The following RP1 variants were observed in gnomAD, a reference collection of about 807,000 sequenced individuals.
RP1 encodes the protein RP1 axonemal microtubule associated, also known as oxygen-regulated protein 1.
RP1 carries 16 observed loss-of-function variants against 14.8 expected under a neutral mutation model. That is an observed-to-expected ratio of 1.08 (90% CI 0.73 to 1.65). RP1 has a LOEUF of 1.65. RP1 is among the 40% of genes most tolerant of loss of function. The pLI, the probability that RP1 is intolerant of heterozygous loss-of-function variation, is 0.00. For synonymous variants in RP1, 876 were observed against 883.6 expected (o/e 0.99, Z 0.15); for missense variants, 2,631 against 2,535.0 (o/e 1.04, Z -0.81).
intron 3 of RP1, 67 bp from the exon 4 acceptor site, chr8:54,624,603 T>C (rs1303188284): frequency 2.6e-6 from 4 of 1,522,630 alleles, no homozygotes; most frequent in Non-Finnish European, 3.6e-6. Context: ...CTTTGGATAT[T>C]TCTAACTTCT....
chr8:54,843,179 G>A (rs1811828800), intron 25 of RP1, among the ~76,000 whole-genome samples: 1 of 152,138 alleles, frequency 6.6e-6, no homozygotes, highest in African/African-American at 2.4e-5. Flanking sequence ...GGGACTACAG[G>A]CGTGCACCAC....
At chr8:54,634,576 G>A (rs372432329), downstream of RP1, among the ~76,000 whole-genome samples, 2 of 152,078 alleles carry the variant, frequency 1.3e-5, no homozygotes, top group African/African-American at 4.8e-5. Flanking sequence ...TCCTAAAAGG[G>A]TTTATCTTCC....
intron 22 of RP1, among the ~76,000 whole-genome samples, chr8:54,761,635 G>T (rs1293934584): frequency 6.6e-6 from 1 of 152,064 alleles, no homozygotes; most frequent in East Asian, 1.9e-4. Flanking sequence ...TCAATGGGTT[G>T]TATCTGAAAG....
chr8:54,819,407 A>G (rs1563385971), intron 24 of RP1, among the ~76,000 whole-genome samples: 1 of 152,050 alleles, frequency 6.6e-6, no homozygotes, highest in Non-Finnish European at 1.5e-5. Context: ...TGAAACAGCT[A>G]TTTTGAATTC....
chr8:54,764,912 A>G (rs1178282995), intron 22 of RP1, among the ~76,000 whole-genome samples: 1 of 140,112 alleles, frequency 7.1e-6, no homozygotes, highest in Non-Finnish European at 1.6e-5. Flanking sequence ...AGTTAAAAAG[A>G]AAAAAAAAAA....
chr8:54,621,277 A>C lies in RP1; in HGVS notation c.311A>C (p.Tyr104Ser). 6.2e-7 allele frequency: 1 copy of C among 1,613,998 alleles called. No homozygotes were observed. Among genetic ancestry groups the C allele is most frequent in the South Asian group, 1.1e-5 (1 of 91,072 alleles). The change falls in exon 2 of 4, where the codon TAC (tyrosine) becomes TCC (serine). Residue 104 changes from tyrosine (Y) to serine (S), a missense_variant. Coordinates refer to ENST00000220676, the MANE Select transcript of RP1 (RefSeq NM_006269.2). ...GAGGAGCTGGAGGACGGCGAGTCCT[A>C]CCTATGTTCCCACGGCAGGAAGGTG... ...RLEELEDGES[Y>S]LCSHGRKVQP...
At position 54,621,037 on chromosome 8, in the gene RP1, C is replaced by T; in HGVS notation, c.71C>T (p.Pro24Leu). The change falls in exon 2 of 4, where the codon CCT (proline) becomes CTT (leucine). Residue 24 changes from proline (P) to leucine (L), a missense_variant. By Grantham distance (98) the Pro-to-Leu change is moderately conservative (BLOSUM62 -3). Coordinates refer to ENST00000220676, the MANE Select transcript of RP1 (RefSeq NM_006269.2). Reference protein sequence around the residue: ...PTSSEGQVPPPRHLSLTHPVV... With the variant: ...PTSSEGQVPPLRHLSLTHPVV... ...TCTTCTGAAGGTCAAGTTCCACCCC[C>T]TCGCCATTTGAGCCTCACTCATCCT... 6.2e-7 allele frequency: 1 copy of T among 1,614,186 alleles called. No homozygotes were observed. The highest frequency in any genetic ancestry group is 8.5e-7 in the Non-Finnish European group (1 of 1,180,036).
chr8:54,755,401 A>G (rs1809477580), intron 20 of RP1, among the ~76,000 whole-genome samples: 1 of 152,228 alleles, frequency 6.6e-6, no homozygotes, highest in Non-Finnish European at 1.5e-5. Flanking sequence ...TGAAAATGCA[A>G]TAAACCTTCT....
intron 15 of RP1, among the ~76,000 whole-genome samples, chr8:54,718,783 A>T (rs1458993565): frequency 6.6e-6 from 1 of 152,218 alleles, no homozygotes; most frequent in Non-Finnish European, 1.5e-5. Flanking sequence ...CATTCTGGAA[A>T]ATGCAAAGCT....
At chr8:54,826,207 G>A (rs1022959771) in intron 24 of RP1, among the ~76,000 whole-genome samples, 1 of 152,234 alleles carries the variant, frequency 6.6e-6, no homozygotes, top group African/African-American at 2.4e-5. Context: ...TGGCATTTGA[G>A]CAGAATCTTA....
chr8:54,633,897 C>T (rs1396690890), downstream of RP1, among the ~76,000 whole-genome samples: 3 of 152,014 alleles, frequency 2.0e-5, no homozygotes, highest in Non-Finnish European at 4.4e-5. Flanking sequence ...CGAGAACCCT[C>T]TCGATGGGTA....
chr8:54,606,730 CTTTG>C (rs981451912), intron 1 of RP1, among the ~76,000 whole-genome samples: 152 of 152,266 alleles, frequency 1.0e-3, no homozygotes, highest in African/African-American at 3.5e-3. Flanking sequence ...TTCTTGGAGG[CTTTG>C]TTTGTTTCTT....
rs570377305 is a variant in RP1, at chr8:54,609,029, G to T, written c.-12-11926G>T. 1.4e-3 allele frequency among the ~76,000 whole-genome samples: 218 copies of T among 152,324 alleles called. 2 individuals are homozygous for T. The highest frequency in any genetic ancestry group is 9.9e-4 in the African/African-American group (41 of 41,582). On this transcript the variant is annotated intron_variant, in intron 1 of 22. Transcript: ENST00000636932. The stretch of plus-strand genomic sequence containing the variant: ...CAGTTGATGGGGCTGGGGATACCCA[G>T]GTTCAGGAGGGCTAGGTACAGGCAG...
At chr8:54,834,811 T>C (rs570530692) in intron 24 of RP1, among the ~76,000 whole-genome samples, 2 of 152,210 alleles carry the variant, frequency 1.3e-5, no homozygotes, top group African/African-American at 4.8e-5. Flanking sequence ...TAGTATTTCC[T>C]TGAAGGGCAA....
At chr8:54,697,278 G>A (rs1188796449) in intron 12 of RP1, among the ~76,000 whole-genome samples, 4 of 152,198 alleles carry the variant, frequency 2.6e-5, no homozygotes, top group Non-Finnish European at 4.4e-5. Context: ...TACCTGGCCG[G>A]GCGTGATGGC....
chr8:54,680,759 C>A (rs1372961617), intron 12 of RP1, among the ~76,000 whole-genome samples: 1 of 151,926 alleles, frequency 6.6e-6, no homozygotes, highest in Non-Finnish European at 1.5e-5. Context: ...GAGATCGAGA[C>A]CATCCTGGCT....
chr8:54,866,112 A>T (rs966244236), intron 28 of RP1, among the ~76,000 whole-genome samples: 1 of 152,048 alleles, frequency 6.6e-6, no homozygotes, highest in African/African-American at 2.4e-5. Flanking sequence ...GTAATCTCTA[A>T]CATTTTTCTC....
chr8:54,807,892 C>T (rs1327728520), intron 24 of RP1, among the ~76,000 whole-genome samples: 1 of 151,806 alleles, frequency 6.6e-6, no homozygotes, highest in Non-Finnish European at 1.5e-5. Flanking sequence ...TCTATTGAGG[C>T]CTTTAACAGA....
At chr8:54,676,754 A>C (rs1256334809) in intron 8 of RP1, among the ~76,000 whole-genome samples, 1 of 152,178 alleles carries the variant, frequency 6.6e-6, no homozygotes, top group Non-Finnish European at 1.5e-5. Flanking sequence ...TAATTTAAAA[A>C]CTAACTTACT....
Sources: allele counts gnomAD v4.1 joint callset (sites outside exome capture counted in the v4.1 genomes callset), GRCh38; gene constraint gnomAD v4.1.1; transcripts MANE v1.5; gene names NCBI Gene and HGNC (gene_info 2026-07-23, HGNC 2026-07-21).